Variants in ZDHHC14 observed in about 807,000 individuals in gnomAD.
The protein encoded by ZDHHC14 is zDHHC palmitoyltransferase 14, also known as palmitoyltransferase ZDHHC14.
A neutral mutation model predicts 47.7 loss-of-function variants in ZDHHC14; 16 were observed. That is an observed-to-expected ratio of 0.34 (90% CI 0.23 to 0.51). The LOEUF (loss-of-function observed/expected upper bound fraction) is 0.51, where lower values mean the gene tolerates loss of function less well. ZDHHC14 is among the 20% of genes least tolerant of loss of function. The pLI, the probability that ZDHHC14 is intolerant of heterozygous loss-of-function variation, is 0.97. For missense variants in ZDHHC14, 515 were observed against 662.5 expected (o/e 0.78, Z 2.44); for synonymous variants, 293 against 278.9 (o/e 1.05, Z -0.50).
chr6:157,673,395 G>A lies in ZDHHC14; in HGVS notation c.*273G>A, dbSNP rs184103080. On this transcript the variant is annotated 3_prime_UTR_variant, in exon 9 of 9. Transcript: ENST00000359775. This position sits in a 1 kb window ranked among gnomAD's most constrained non-coding sequence, Gnocchi z 5.4. ...GCTTTCTTTTGGTGACCCTCCAGGG[G>A]TGGAATCGGAGTGTGTCTGCCCGCC... 9.8e-6 allele frequency: 5 copies of A among 511,290 alleles called. No homozygotes were observed. Among genetic ancestry groups the A allele is most frequent in the African/African-American group, 4.1e-5 (2 of 49,242 alleles). 31.7% of individuals were successfully genotyped at this position (511,290 alleles called of 1,614,324 possible).
intron 1 of ZDHHC14, among the ~76,000 whole-genome samples, chr6:157,433,791 A>G (rs1778387876): frequency 6.6e-6 from 1 of 152,178 alleles, no homozygotes; most frequent in Non-Finnish European, 1.5e-5. Flanking sequence ...TTTCAAATGG[A>G]GACTTTATCA....
chr6:157,454,697 C>T (rs574781832), intron 1 of ZDHHC14, among the ~76,000 whole-genome samples: 5 of 152,020 alleles, frequency 3.3e-5, no homozygotes, highest in Admixed American at 6.6e-5. Flanking sequence ...TGAACTGACA[C>T]AATTTAAAGA....
chr6:157,616,626 C>A (rs1240046911), intron 3 of ZDHHC14, among the ~76,000 whole-genome samples: 1 of 152,160 alleles, frequency 6.6e-6, no homozygotes, highest in South Asian at 2.1e-4. Context: ...GTAGACCAGA[C>A]CTCGAACTGA....
At chr6:157,392,554 C>T (rs541958500) in intron 1 of ZDHHC14, among the ~76,000 whole-genome samples, 4 of 152,106 alleles carry the variant, frequency 2.6e-5, no homozygotes, top group South Asian at 2.1e-4. Context: ...CCAGCCAGGC[C>T]TCTGCTCTTG....
chr6:157,635,146 C>T (rs1776912048), intron 5 of ZDHHC14, among the ~76,000 whole-genome samples: 1 of 152,180 alleles, frequency 6.6e-6, no homozygotes, highest in African/African-American at 2.4e-5. Flanking sequence ...GGTGCTGTGC[C>T]ACCACACTTG....
intron 2 of ZDHHC14, among the ~76,000 whole-genome samples, chr6:157,556,710 G>A (rs1447870023): frequency 1.2e-4 from 16 of 136,742 alleles, no homozygotes; most frequent in African/African-American, 3.0e-4. Flanking sequence ...GCTCAGAGCC[G>A]AGGCCCCGGG....
chr6:157,667,562 AGTT>A (rs1420709394), intron 8 of ZDHHC14, among the ~76,000 whole-genome samples: 1 of 152,114 alleles, frequency 6.6e-6, no homozygotes, highest in Non-Finnish European at 1.5e-5. Context: ...AGAGCAAGAA[AGTT>A]AAGTAGAAAA....
intron 1 of ZDHHC14, among the ~76,000 whole-genome samples, chr6:157,423,058 T>C (rs139097840): frequency 5.9e-5 from 9 of 152,374 alleles, no homozygotes; most frequent in Non-Finnish European, 1.2e-4. Flanking sequence ...ACTGAGATCA[T>C]ATGCTTGTCA....
intron 3 of ZDHHC14, among the ~76,000 whole-genome samples, chr6:157,597,399 G>A (rs1784175034): frequency 6.6e-6 from 1 of 152,150 alleles, no homozygotes; most frequent in Non-Finnish European, 1.5e-5. Flanking sequence ...GTCCAGCGTC[G>A]GAATTGCCAG....
At chr6:157,490,377 C>T (rs1211246005) in intron 1 of ZDHHC14, among the ~76,000 whole-genome samples, 2 of 152,166 alleles carry the variant, frequency 1.3e-5, no homozygotes, top group African/African-American at 2.4e-5. Context: ...ATTCCACATA[C>T]GGATGCACAC....
At chr6:157,510,230 C>A (rs751384960) in intron 1 of ZDHHC14, among the ~76,000 whole-genome samples, 2 of 152,056 alleles carry the variant, frequency 1.3e-5, no homozygotes, top group Non-Finnish European at 2.9e-5. Flanking sequence ...GGTGACAGAG[C>A]GAGACTCTGT....
intron 3 of ZDHHC14, among the ~76,000 whole-genome samples, chr6:157,605,131 C>G (rs1784487710): frequency 6.6e-6 from 1 of 152,154 alleles, no homozygotes; most frequent in Non-Finnish European, 1.5e-5. Flanking sequence ...GAATAATAAC[C>G]CATGTGCCTT....
chr6:157,662,161 T>C (rs1303298826), intron 8 of ZDHHC14, among the ~76,000 whole-genome samples: 2 of 151,820 alleles, frequency 1.3e-5, no homozygotes. Flanking sequence ...AGACATACAT[T>C]TTCTAACTTA....
intron 2 of ZDHHC14, among the ~76,000 whole-genome samples, chr6:157,583,643 T>C (rs1443151654): frequency 6.6e-6 from 1 of 152,180 alleles, no homozygotes; most frequent in East Asian, 1.9e-4. Flanking sequence ...TGCAGCTCCT[T>C]GGCGTTTCCA....
intron 4 of ZDHHC14, chr6:157,629,673 A>G (rs1239134536): frequency 6.6e-6 from 1 of 152,094 alleles, no homozygotes; most frequent in East Asian, 1.9e-4. Flanking sequence ...CTTTCATCCA[A>G]ACGTGACACA....
intron 1 of ZDHHC14, among the ~76,000 whole-genome samples, chr6:157,533,507 T>A (rs1237079379): frequency 6.6e-6 from 1 of 152,110 alleles, no homozygotes; most frequent in Non-Finnish European, 1.5e-5. Context: ...GGGAGGGAGT[T>A]CCAGGCAGGG....
chr6:157,385,065 A>T (rs1409546140), intron 1 of ZDHHC14, among the ~76,000 whole-genome samples: 1 of 152,160 alleles, frequency 6.6e-6, no homozygotes, highest in Non-Finnish European at 1.5e-5. Flanking sequence ...TATAGGTGTG[A>T]GCCACTGCAC....
At chr6:157,434,741 A>T (rs1778406360) in intron 1 of ZDHHC14, among the ~76,000 whole-genome samples, 2 of 152,092 alleles carry the variant, frequency 1.3e-5, no homozygotes, top group African/African-American at 4.8e-5. Context: ...CACGACGGGG[A>T]GGAGCCGGAC....
chr6:157,563,135 A>G lies in ZDHHC14; in HGVS notation c.406+20390A>G, dbSNP rs372337843. ...GACTCCTGGAGGTGGTAACTAAGGCAGAGTCCTTGCTCCCACTACAAGCCT... is the reference window on the plus strand; with the variant it reads ...GACTCCTGGAGGTGGTAACTAAGGCGGAGTCCTTGCTCCCACTACAAGCCT... On this transcript the variant is annotated intron_variant, in intron 2 of 8. Transcript: ENST00000359775. Among the ~76,000 whole-genome samples, 26 of 152,372 alleles carry G rather than the reference A, an allele frequency of 1.7e-4. No individual in the cohort carries two copies. In the East Asian group the frequency reaches 3.7e-3, roughly 21 times the overall value.
Sources: allele counts gnomAD v4.1 joint callset (sites outside exome capture counted in the v4.1 genomes callset), GRCh38; gene constraint gnomAD v4.1.1; non-coding constraint Gnocchi (gnomAD v3.1); transcripts MANE v1.5; gene names NCBI Gene and HGNC (gene_info 2026-07-23, HGNC 2026-07-21).